Variants in PARN observed in about 807,000 individuals in gnomAD.
PARN encodes the protein poly(A)-specific ribonuclease PARN.
A neutral mutation model predicts 102.8 loss-of-function variants in PARN; 71 were observed. The observed-to-expected ratio is 0.69, with a 90% confidence interval of 0.57 to 0.84. The LOEUF is 0.84. Ranked by LOEUF, PARN falls within the 40% of genes least tolerant of loss-of-function variation. PARN has a pLI of 0.00. For synonymous variants in PARN, 261 were observed against 252.9 expected, an observed-to-expected ratio of 1.03 and a Z score of -0.30; for missense variants, 782 against 760.9, an observed-to-expected ratio of 1.03 and a Z score of -0.33.
chr16:14,482,850 T>A (rs1218913804), intron 21 of PARN, 23 bp from the exon 22 acceptor site: 4 of 1,559,774 alleles, frequency 2.6e-6, no homozygotes, highest in Admixed American at 2.0e-5. Flanking sequence ...GAAAAAAAAA[T>A]AAAATGCTTA....
intron 18 of PARN, among the ~76,000 whole-genome samples, chr16:14,578,789 CAGA>C (rs1027943572): frequency 2.0e-5 from 3 of 152,092 alleles, no homozygotes; most frequent in African/African-American, 4.8e-5. Flanking sequence ...AAAATAATCA[CAGA>C]AGGATTCCCA....
intron 11 of PARN, among the ~76,000 whole-genome samples, chr16:14,603,452 G>A (rs951020518): frequency 6.6e-6 from 1 of 151,560 alleles, no homozygotes; most frequent in Admixed American, 6.6e-5. Flanking sequence ...TCCCCCAACC[G>A]ATGTCACTCC....
At chr16:14,479,125 G>A (rs544015999) in intron 22 of PARN, among the ~76,000 whole-genome samples, 1 of 152,238 alleles carries the variant, frequency 6.6e-6, no homozygotes, top group African/African-American at 2.4e-5. Flanking sequence ...TGACATTTAA[G>A]AAACAATTCC....
At chr16:14,629,779 A>T in intron 1 of PARN, 105 bp from the exon 2 acceptor site, 1 of 882,220 alleles carries the variant, frequency 1.1e-6, no homozygotes, top group Non-Finnish European at 1.9e-6. Flanking sequence ...CCGGAAGGGG[A>T]AAAGTCCCGG....
At chr16:14,564,526 C>T (rs1001578509) in intron 18 of PARN, among the ~76,000 whole-genome samples, 1 of 152,200 alleles carries the variant, frequency 6.6e-6, no homozygotes, top group Admixed American at 6.5e-5. Flanking sequence ...CCTGCTCCCA[C>T]ACACCGTGAT....
intron 22 of PARN, among the ~76,000 whole-genome samples, chr16:14,470,543 G>A (rs189195761): frequency 2.0e-5 from 3 of 151,462 alleles, no homozygotes; most frequent in East Asian, 3.9e-4. Context: ...CTGCAGCCTC[G>A]ACTTCCTCAG....
intron 21 of PARN, among the ~76,000 whole-genome samples, chr16:14,538,832 C>T (rs1306950330): frequency 6.6e-6 from 1 of 152,122 alleles, no homozygotes; most frequent in Non-Finnish European, 1.5e-5. Context: ...CTCGCATTAC[C>T]ACCTAAGCTC....
intron 21 of PARN, among the ~76,000 whole-genome samples, chr16:14,532,280 A>G (rs898300745): frequency 6.6e-6 from 1 of 151,290 alleles, no homozygotes; most frequent in Non-Finnish European, 1.5e-5. Flanking sequence ...CAGATAAACA[A>G]GTGAACGAAG....
rs1178180540 is a variant in PARN, at chr16:14,630,159, G to GGCCCGC, written c.-40_-35dup. 1.9e-6 allele frequency: 3 copies of GGCCCGC among 1,548,088 alleles called. No homozygotes were observed. Among genetic ancestry groups the GGCCCGC allele is most frequent in the Non-Finnish European group, 2.6e-6 (3 of 1,143,946 alleles). ...GTGGCCGGAACCTTGGCCCCACCCG[G>GGCCCGC]GCCCGCGCCCGCCTCAGCGGTTCTA... On this transcript the variant is annotated 5_prime_UTR_variant, in exon 1 of 24. Coordinates refer to ENST00000437198, the MANE Select transcript of PARN (RefSeq NM_002582.4).
intron 11 of PARN, among the ~76,000 whole-genome samples, chr16:14,603,751 A>C (rs1203780521): frequency 1.3e-5 from 2 of 152,238 alleles, no homozygotes; most frequent in Non-Finnish European, 2.9e-5. Context: ...ATGTTCCAAC[A>C]GTACAACCTA....
intron 21 of PARN, among the ~76,000 whole-genome samples, chr16:14,499,165 C>T (rs2151621967): frequency 6.6e-6 from 1 of 152,300 alleles, no homozygotes; most frequent in African/African-American, 2.4e-5. Context: ...AGCTGCTTCC[C>T]TGTTACGGGG....
At chr16:14,465,991 C>T (rs1303455955) in intron 22 of PARN, among the ~76,000 whole-genome samples, 1 of 152,052 alleles carries the variant, frequency 6.6e-6, no homozygotes, top group Admixed American at 6.6e-5. Flanking sequence ...GGCACTAGGG[C>T]CTACTTAAGG....
chr16:14,562,772 A>C (rs1968154528), intron 18 of PARN, among the ~76,000 whole-genome samples: 1 of 152,210 alleles, frequency 6.6e-6, no homozygotes. Context: ...AAGATTAGCA[A>C]ACACTTGAGG....
At chr16:14,529,783 C>G (rs1156802545) in intron 21 of PARN, among the ~76,000 whole-genome samples, 1 of 152,124 alleles carries the variant, frequency 6.6e-6, no homozygotes, top group Non-Finnish European at 1.5e-5. Flanking sequence ...GAGGACTCGG[C>G]ATCCCCTTCC....
chr16:14,455,321 T>C (rs1961629088), intron 22 of PARN, among the ~76,000 whole-genome samples: 1 of 152,220 alleles, frequency 6.6e-6, no homozygotes, highest in African/African-American at 2.4e-5. Flanking sequence ...TTTTGTCTGC[T>C]TGCCTTGATT....
intron 23 of PARN, among the ~76,000 whole-genome samples, chr16:14,440,404 G>A (rs1311423427): frequency 6.6e-6 from 1 of 152,168 alleles, no homozygotes; most frequent in Non-Finnish European, 1.5e-5. Flanking sequence ...ACTGCTGGGG[G>A]AAATCCAAAA....
chr16:14,461,456 G>A lies in PARN; in HGVS notation c.1671-14375C>T, dbSNP rs890133462. Reference sequence around the variant, plus strand: ...GGTGAACTGTTGTACTCCTTTGTAAGTGTGAATCAGCTTCCAGTGGGTTAT... The same window carrying A: ...GGTGAACTGTTGTACTCCTTTGTAAATGTGAATCAGCTTCCAGTGGGTTAT... On this transcript the variant is annotated intron_variant, in intron 22 of 23. Coordinates refer to ENST00000437198, the MANE Select transcript of PARN (RefSeq NM_002582.4). Among the ~76,000 whole-genome samples the A allele has an allele frequency of 3.3e-5, 5 of 152,324 alleles. No homozygotes were observed. In the South Asian group the frequency reaches 1.0e-3, roughly 32 times the overall value.
intron 18 of PARN, among the ~76,000 whole-genome samples, chr16:14,577,781 C>G (rs1969236781): frequency 6.6e-6 from 1 of 152,108 alleles, no homozygotes; most frequent in Non-Finnish European, 1.5e-5. Flanking sequence ...AATTCTCCTG[C>G]CTCAGCCCCC....
At chr16:14,491,190 C>T (rs1241505592) in intron 21 of PARN, among the ~76,000 whole-genome samples, 4 of 151,160 alleles carry the variant, frequency 2.6e-5, no homozygotes, top group Admixed American at 6.6e-5. Flanking sequence ...CATCCTTACC[C>T]TGCTGACATG....
Sources: allele counts gnomAD v4.1 joint callset (sites outside exome capture counted in the v4.1 genomes callset), GRCh38; gene constraint gnomAD v4.1.1; transcripts MANE v1.5; gene names NCBI Gene and HGNC (gene_info 2026-07-23, HGNC 2026-07-21).